VWCE: variants seen among roughly 807,000 people sequenced by gnomAD.
VWCE encodes the protein von Willebrand factor C and EGF domain-containing protein.
A neutral mutation model predicts 102.9 loss-of-function variants in VWCE; 68 were observed. The observed-to-expected ratio is 0.66, with a 90% CI of 0.54 to 0.81. The LOEUF is 0.81. Among genes scored for constraint, VWCE ranks in the 30% least tolerant of loss-of-function variants. VWCE has a pLI of 0.00. For synonymous variants in VWCE, 497 were observed against 515.4 expected (o/e 0.96, Z 0.48); for missense variants, 1,137 against 1,263.6 (o/e 0.90, Z 1.52).
At chr11:61,274,416 A>T in intron 12 of VWCE, 83 bp downstream of exon 12, 2 of 1,312,118 alleles carry the variant, frequency 1.5e-6, no homozygotes, top group Non-Finnish European at 2.2e-6. Context: ...ATGTTCTCCT[A>T]GTCATGTCAA....
chr11:61,264,481 A>C lies in VWCE; in HGVS notation c.2230+6T>G. Reference sequence around the variant, plus strand: ...GAGAAACTCCAGGACCCAGAGACCCACTTACCTGGACAGGAAGAGCAGCAG... The same window carrying C: ...GAGAAACTCCAGGACCCAGAGACCCCCTTACCTGGACAGGAAGAGCAGCAG... On this transcript the variant is annotated splice_donor_region_variant and intron_variant, in intron 19 of 19. Transcript: ENST00000335613. 1.2e-6 allele frequency: 2 copies of C among 1,613,000 alleles called. No homozygotes were observed. Among genetic ancestry groups the C allele is most frequent in the Non-Finnish European group, 1.7e-6 (2 of 1,179,552 alleles).
Position 61,291,988 on chromosome 11 carries a change from G to A in VWCE, c.111-412C>T, listed in dbSNP as rs544074548. Among the ~76,000 whole-genome samples, 10 of 152,290 alleles carry A rather than the reference G, an allele frequency of 6.6e-5. No individual in the cohort carries two copies. The South Asian group carries it at 8.3e-4, about 13-fold the overall frequency. On this transcript the variant is annotated intron_variant, in intron 1 of 19. Coordinates refer to ENST00000335613, the MANE Select transcript of VWCE (RefSeq NM_152718.2). ...TGTAATCCCAGCACTTTGGGAAGCC[G>A]AAGCAGGCTGATCATTTTGAGCCCA...
rs200611012 is a variant in VWCE at position 61,294,974 on chromosome 11, G to A, written c.64C>T (p.Arg22Ter). The change falls in exon 1 of 20, where the codon CGA (arginine) becomes TGA (stop). Residue 22 changes from arginine to a stop codon, truncating the protein, a stop_gained. Transcript: ENST00000335613. LOFTEE classifies it high-confidence loss of function. The surrounding 1 kb of genome is among the most constrained non-coding windows in gnomAD (Gnocchi z 6.3). ...VALLLPGAPA[R>*]GYTGRKPPGH... ...GGCGGCTTCCTCCCGGTGTAGCCTC[G>A]GGCTGGTGCCCCCGGCAGCAGGAGC... is the stretch of plus-strand genomic sequence containing the variant. The A allele has an allele frequency of 3.0e-5, 44 of 1,471,590 alleles. No homozygotes were observed. The highest frequency in any genetic ancestry group is 3.8e-5 in the Non-Finnish European group (42 of 1,112,624). 91.2% of individuals were successfully genotyped at this position (1,471,590 alleles called of 1,614,324 possible).
In VWCE at chr11:61,286,355, C is replaced by G; in HGVS notation, c.500G>C (p.Gly167Ala). Reference protein sequence around the residue: ...NTEGGFVCECGPGMQLSADRH... With the variant: ...NTEGGFVCECAPGMQLSADRH... ...GTCGGCAGACAGCTGCATGCCCGGCCCACACTCGCACACAAACCCACCTTC... is the reference window on the plus strand; with the variant it reads ...GTCGGCAGACAGCTGCATGCCCGGCGCACACTCGCACACAAACCCACCTTC... The change falls in exon 5 of 20, where the codon GGG becomes GCG. Residue 167 changes from glycine to alanine, a missense_variant. By Grantham distance (60) the Gly-to-Ala change is moderately conservative. Around this residue, in one of 5 missense-constraint regions of VWCE, gnomAD observed 575 missense variants for 625.9 expected, o/e 0.92. Coordinates refer to ENST00000335613, the MANE Select transcript of VWCE (RefSeq NM_152718.2). 6.2e-7 allele frequency: 1 copy of G among 1,611,902 alleles called. No homozygotes were observed.
intron 12 of VWCE, 69 bp from the exon 13 acceptor site, chr11:61,273,385 A>T: frequency 1.4e-6 from 2 of 1,432,714 alleles, no homozygotes; most frequent in Non-Finnish European, 1.9e-6. Flanking sequence ...GAGCTAGAGG[A>T]GGCCGCAGGC....
At chr11:61,290,724 A>C (rs932272312) in intron 4 of VWCE, 75 bp downstream of exon 4, 1 of 1,517,192 alleles carries the variant, frequency 6.6e-7, no homozygotes, top group Non-Finnish European at 8.9e-7. Flanking sequence ...ACTGGAGACC[A>C]TCCTGGCAGG....
At chr11:61,291,240 C>T in intron 3 of VWCE, 24 bp downstream of exon 3, 2 of 1,549,808 alleles carry the variant, frequency 1.3e-6, no homozygotes, top group Non-Finnish European at 1.7e-6. Flanking sequence ...CTGTTCCCAT[C>T]AGCCCCTTCC....
At chr11:61,286,065 G>A (rs1855310910) in intron 5 of VWCE, among the ~76,000 whole-genome samples, 1 of 152,090 alleles carries the variant, frequency 6.6e-6, no homozygotes, top group African/African-American at 2.4e-5. Flanking sequence ...GCAGCAGTCG[G>A]TTCTAACTGT....
chr11:61,274,240 C>T (rs1270698372), intron 12 of VWCE, among the ~76,000 whole-genome samples: 1 of 152,136 alleles, frequency 6.6e-6, no homozygotes, highest in Non-Finnish European at 1.5e-5. Flanking sequence ...GGCTTCCGGA[C>T]CAAGGGGACT....
intron 12 of VWCE, chr11:61,273,562 C>T (rs937755377): frequency 5.8e-6 from 3 of 513,794 alleles, no homozygotes; most frequent in East Asian, 3.4e-5. Context: ...GGAATAGGCA[C>T]GGCCTTCACC....
chr11:61,280,715 G>A lies in VWCE; in HGVS notation c.1233C>T (p.Asp411=), dbSNP rs375996793. The A allele has an allele frequency of 1.3e-5, 21 of 1,613,760 alleles. No individual in the cohort carries two copies. The East Asian group carries it at 1.8e-4, about 14-fold the overall frequency. The change falls in exon 9 of 20, where the codon GAC becomes GAT. Residue 411 remains aspartate (D), a splice_region_variant and synonymous_variant. Coordinates refer to ENST00000335613, the MANE Select transcript of VWCE (RefSeq NM_152718.2). The part of the protein sequence containing the change: ...EPGCSQCWCE[D]GKVTCEKVRC... ...TCACCTTTTCACAGGTCACCTTCCC[G>A]TCCTAGAAGCACAAGCAGGAGTTAG...
At chr11:61,276,753 C>A (rs894271377) in intron 10 of VWCE, 73 bp from the exon 11 acceptor site, 2 of 1,250,778 alleles carry the variant, frequency 1.6e-6, no homozygotes, top group Admixed American at 2.9e-5. Context: ...TCACAGCAGG[C>A]CCTTCGAACA....
At chr11:61,289,089 C>T (rs1374224881) in intron 4 of VWCE, among the ~76,000 whole-genome samples, 7 of 151,974 alleles carry the variant, frequency 4.6e-5, no homozygotes, top group Non-Finnish European at 8.8e-5. Flanking sequence ...CCACCCACCT[C>T]GGCCTCCCAA....
rs1043631139 is a variant in VWCE, at chr11:61,259,146, G to A, written c.2397C>T (p.Leu799=). ...ASPSRPVLHL[L]QLLLRTNLMK... Reference sequence around the variant, plus strand: ...TCAAGTTCGTTCTTAAAAGGAGCTGGAGGAGATGAAGCACCGGCCTCGAGG... The same window carrying A: ...TCAAGTTCGTTCTTAAAAGGAGCTGAAGGAGATGAAGCACCGGCCTCGAGG... The change falls in exon 20 of 20, where the codon CTC becomes CTT. Residue 799 remains leucine (L), a synonymous_variant. Coordinates refer to ENST00000335613, the MANE Select transcript of VWCE (RefSeq NM_152718.2). The A allele has an allele frequency of 1.2e-6, 2 of 1,614,180 alleles. No homozygotes were observed. The highest frequency in any genetic ancestry group is 1.7e-6 in the Non-Finnish European group (2 of 1,180,028).
chr11:61,280,994 G>T lies in VWCE; in HGVS notation c.1029C>A (p.Thr343=). ...PVWLLSTLLA[T]PVPTASLLGN... is the part of the protein sequence containing the mutation. Reference sequence around the variant, plus strand: ...CCAGCAGGGAGGCAGTAGGCACTGGGGTGGCCAGCAGGGTGGACAGCAGCC... The same window carrying T: ...CCAGCAGGGAGGCAGTAGGCACTGGTGTGGCCAGCAGGGTGGACAGCAGCC... The change falls in exon 8 of 20, where the codon ACC becomes ACA. Residue 343 remains threonine (T), a synonymous_variant. Coordinates refer to ENST00000335613, the MANE Select transcript of VWCE (RefSeq NM_152718.2). 1 of 1,553,138 alleles carries T rather than the reference G, an allele frequency of 6.4e-7. No individual in the cohort carries two copies.
intron 5 of VWCE, among the ~76,000 whole-genome samples, chr11:61,284,537 C>T (rs934746328): frequency 2.0e-5 from 3 of 152,072 alleles, no homozygotes; most frequent in East Asian, 1.9e-4. Flanking sequence ...AAGCCCTAAC[C>T]GCCAATGTAA....
rs1485888617 is a variant in VWCE at position 61,282,796 on chromosome 11, G to A, written c.651C>T (p.Ser217=). Residue 217 remains serine (S), a synonymous_variant, in exon 6 of 20, where the codon TCC becomes TCT. Transcript: ENST00000335613. ...GGGTCCTCCCCGCCTTACCTACACA[G>A]GAGTGCCGGTTGCCATGAAGGTGGA... ...TGFHLHGNRH[S]CVDVNECRRP... is the part of the protein sequence containing the mutation. The A allele has an allele frequency of 6.2e-7, 1 of 1,613,884 alleles. No individual in the cohort carries two copies. The highest frequency in any genetic ancestry group is 1.3e-5 in the African/African-American group (1 of 74,930).
Position 61,274,167 on chromosome 11 carries a change from T to A in VWCE, c.1581+332A>T, listed in dbSNP as rs189806681. 1.0e-3 allele frequency among the ~76,000 whole-genome samples: 158 copies of A among 152,050 alleles called. 1 individual carries two copies. The highest frequency in any genetic ancestry group is 3.7e-3 in the African/African-American group (155 of 41,500). Reference sequence around the variant, plus strand: ...CCACCCTCCAGGTCTCTACTTAACATCCCGCCTTCCAAAAAGGCATCAGGA... The same window carrying A: ...CCACCCTCCAGGTCTCTACTTAACAACCCGCCTTCCAAAAAGGCATCAGGA... On this transcript the variant is annotated intron_variant, in intron 12 of 19. Coordinates refer to ENST00000335613, the MANE Select transcript of VWCE (RefSeq NM_152718.2).
In VWCE at chr11:61,281,800, C is replaced by G. The variant is rs1855147381; in HGVS notation, c.773G>C (p.Arg258Pro). 3 of 1,612,762 alleles carry G rather than the reference C, an allele frequency of 1.9e-6. No individual in the cohort carries two copies. Among genetic ancestry groups the G allele is most frequent in the African/African-American group, 2.7e-5 (2 of 74,836 alleles). The change falls in exon 7 of 20, where the codon CGC becomes CCC. Residue 258 changes from arginine to proline, a missense_variant. Arg to Pro is a moderately radical substitution (Grantham distance 103). This residue lies in a region of VWCE where 575 missense variants were observed against 625.9 expected (regional missense o/e 0.92). Transcript: ENST00000335613. ...CTGGCGCTCACCTTCACAGGACACG[C>G]GGTCAGCTCGGAGCCTGAAGCCAGG... ...CRPGFRLRAD[R>P]VSCEAFPKAV...
Sources: allele counts gnomAD v4.1 joint callset (sites outside exome capture counted in the v4.1 genomes callset), GRCh38; gene constraint gnomAD v4.1.1; regional missense constraint gnomAD v4.1.1; non-coding constraint Gnocchi (gnomAD v3.1); transcripts MANE v1.5; gene names NCBI Gene and HGNC (gene_info 2026-07-23, HGNC 2026-07-21).